DGKB: variants seen among roughly 807,000 people sequenced by gnomAD.
The protein encoded by DGKB is diacylglycerol kinase beta.
A neutral mutation model predicts 114.3 loss-of-function variants in DGKB; 67 were observed. That is an observed-to-expected ratio of 0.59 (90% confidence interval 0.48 to 0.72). DGKB has a LOEUF of 0.72. Among genes scored for constraint, DGKB ranks in the 30% least tolerant of loss-of-function variants. DGKB has a pLI of 0.00. For missense variants in DGKB, 907 were observed against 975.2 expected (o/e 0.93, Z 0.93); for synonymous variants, 398 against 323.1 (o/e 1.23, Z -2.49).
chr7:14,674,051 G>T lies in DGKB; in HGVS notation c.1036-1024C>A, dbSNP rs1819448830. 1.3e-5 allele frequency among the ~76,000 whole-genome samples: 2 copies of T among 152,112 alleles called. 1 individual carries two copies. The highest frequency in any genetic ancestry group is 4.1e-4 in the South Asian group (2 of 4,826). On this transcript the variant is annotated intron_variant, in intron 12 of 25. Transcript: ENST00000402815. ...AACTAAGCATAGGAGTCTAATGAGA[G>T]TTGATTTATTTTTAGTAATAGAACA...
chr7:14,578,413 AC>A, intron 19 of DGKB, among the ~76,000 whole-genome samples: 1 of 152,228 alleles, frequency 6.6e-6, no homozygotes, highest in East Asian at 1.9e-4. Context: ...TCTACAGCAC[AC>A]AATTGTTAAG....
chr7:14,680,827 C>A (rs1412862764), intron 12 of DGKB, among the ~76,000 whole-genome samples: 1 of 151,786 alleles, frequency 6.6e-6, no homozygotes, highest in African/African-American at 2.4e-5. Context: ...GGCAGCAATG[C>A]ATGTTTTTAG....
chr7:14,550,047 T>A (rs1253956102), intron 20 of DGKB, among the ~76,000 whole-genome samples: 3 of 152,060 alleles, frequency 2.0e-5, no homozygotes, highest in Non-Finnish European at 4.4e-5. Context: ...TTTTGAAAAT[T>A]TATTAATAAA....
chr7:14,178,815 T>G (rs1201390244), intron 23 of DGKB, among the ~76,000 whole-genome samples: 1 of 151,516 alleles, frequency 6.6e-6, no homozygotes, highest in Non-Finnish European at 1.5e-5. Context: ...TATTATTAAA[T>G]TTTTTTTTAG....
At chr7:14,963,287 T>TA (rs1786965620) in intron 1 of DGKB, among the ~76,000 whole-genome samples, 1 of 152,076 alleles carries the variant, frequency 6.6e-6, no homozygotes, top group South Asian at 2.1e-4. Flanking sequence ...AAGGACAAAA[T>TA]AAATACACAA....
intron 20 of DGKB, among the ~76,000 whole-genome samples, chr7:14,516,597 G>T (rs1418128254): frequency 2.0e-5 from 3 of 152,094 alleles, no homozygotes; most frequent in Non-Finnish European, 4.4e-5. Context: ...AAGATGTGAG[G>T]GAAGTTATAT....
chr7:14,858,004 C>T (rs1313430086), intron 1 of DGKB, among the ~76,000 whole-genome samples: 3 of 152,000 alleles, frequency 2.0e-5, no homozygotes, highest in African/African-American at 7.2e-5. Context: ...AATTAATGCT[C>T]AAAGGATAGT....
At chr7:14,789,430 T>G (rs142266616) in intron 2 of DGKB, among the ~76,000 whole-genome samples, 33 of 152,280 alleles carry the variant, frequency 2.2e-4, no homozygotes, top group African/African-American at 7.0e-4. Context: ...GATCCATCCA[T>G]TTTTTATCAC....
intron 21 of DGKB, among the ~76,000 whole-genome samples, chr7:14,392,942 A>C (rs1821544393): frequency 6.6e-6 from 1 of 151,134 alleles, no homozygotes; most frequent in Non-Finnish European, 1.5e-5. Flanking sequence ...ATTTCAGGGA[A>C]GGGCTCAGCC....
At chr7:14,932,417 C>T (rs1785067209) in intron 1 of DGKB, among the ~76,000 whole-genome samples, 1 of 152,138 alleles carries the variant, frequency 6.6e-6, no homozygotes, top group African/African-American at 2.4e-5. Context: ...GAAATGCTTC[C>T]ACTCAGCCAT....
At chr7:14,632,016 T>C (rs1809813117) in intron 13 of DGKB, among the ~76,000 whole-genome samples, 1 of 151,906 alleles carries the variant, frequency 6.6e-6, no homozygotes, top group Non-Finnish European at 1.5e-5. Context: ...GAAGAGTGTA[T>C]GCTTACCATG....
At chr7:14,442,521 T>C (rs1193066354) in intron 21 of DGKB, among the ~76,000 whole-genome samples, 1 of 152,138 alleles carries the variant, frequency 6.6e-6, no homozygotes, top group Non-Finnish European at 1.5e-5. Context: ...TGTTTAACTC[T>C]CCTCAAATTT....
chr7:14,158,991 C>A (rs1783455671), intron 25 of DGKB, among the ~76,000 whole-genome samples: 2 of 152,236 alleles, frequency 1.3e-5, no homozygotes, highest in African/African-American at 4.8e-5. Context: ...TTATAGAATT[C>A]TTCTAAATGG....
At chr7:14,431,020 T>C (rs992420525) in intron 21 of DGKB, among the ~76,000 whole-genome samples, 4 of 152,130 alleles carry the variant, frequency 2.6e-5, no homozygotes, top group Non-Finnish European at 5.9e-5. Context: ...TTTCTTGCCT[T>C]CTTGTTTTGA....
intron 12 of DGKB, among the ~76,000 whole-genome samples, chr7:14,675,238 A>G (rs554156792): frequency 6.6e-6 from 1 of 152,248 alleles, no homozygotes; most frequent in Admixed American, 6.5e-5. Flanking sequence ...GGCAGGACAT[A>G]CTGAGTCTTA....
chr7:14,858,541 AAAC>A (rs1234246841), intron 1 of DGKB, among the ~76,000 whole-genome samples: 1 of 152,190 alleles, frequency 6.6e-6, no homozygotes, highest in Non-Finnish European at 1.5e-5. Context: ...GAGCAGGAAC[AAAC>A]AAGATTTGTT....
chr7:14,719,065 C>CA (rs1828711152), intron 5 of DGKB, among the ~76,000 whole-genome samples: 1 of 152,032 alleles, frequency 6.6e-6, no homozygotes, highest in African/African-American at 2.4e-5. Flanking sequence ...GACTTTTTCA[C>CA]AAAATACTAA....
intron 2 of DGKB, among the ~76,000 whole-genome samples, chr7:14,780,742 C>T (rs1189230973): frequency 6.6e-6 from 1 of 152,020 alleles, no homozygotes; most frequent in Non-Finnish European, 1.5e-5. Flanking sequence ...CAAAATAGAT[C>T]CAGGGTTTTA....
At chr7:14,861,085 A>T (rs1416538523) in intron 1 of DGKB, among the ~76,000 whole-genome samples, 1 of 151,994 alleles carries the variant, frequency 6.6e-6, no homozygotes, top group Non-Finnish European at 1.5e-5. Context: ...ATTTTCACAC[A>T]ATCTCTTTGT....
Sources: allele counts gnomAD v4.1 joint callset (sites outside exome capture counted in the v4.1 genomes callset), GRCh38; gene constraint gnomAD v4.1.1; transcripts MANE v1.5; gene names NCBI Gene and HGNC (gene_info 2026-07-23, HGNC 2026-07-21).